Variants in MACROD2 observed in about 807,000 individuals in gnomAD.
The protein encoded by MACROD2 is ADP-ribose glycohydrolase MACROD2.
Under a neutral mutation model 70.4 loss-of-function variants are expected in MACROD2, and 36 were observed. The observed-to-expected ratio is 0.51, with a 90% confidence interval of 0.39 to 0.68. The LOEUF is 0.68. Among genes scored for constraint, MACROD2 ranks in the 30% least tolerant of loss-of-function variants. The pLI is 0.00. For missense variants in MACROD2, 496 were observed against 538.4 expected (o/e 0.92, Z 0.78); for synonymous variants, 172 against 178.8 (o/e 0.96, Z 0.30).
intron 8 of MACROD2, among the ~76,000 whole-genome samples, chr20:15,601,381 C>T (rs532846456): frequency 2.6e-4 from 39 of 152,080 alleles, no homozygotes; most frequent in Admixed American, 2.0e-4. Flanking sequence ...GCCCATTCAC[C>T]CATCCCAAAT....
At chr20:14,222,371 T>C (rs6042594) in intron 3 of MACROD2, among the ~76,000 whole-genome samples, 3,300 of 152,240 alleles carry the variant, frequency 0.022, 133 homozygotes, top group African/African-American at 0.075. Context: ...TGTCTTAAGC[T>C]AAACAACTCA....
At chr20:15,981,408 TTG>T (rs750251911) in intron 13 of MACROD2, among the ~76,000 whole-genome samples, 34 of 152,318 alleles carry the variant, frequency 2.2e-4, no homozygotes, top group Non-Finnish European at 3.2e-4. Context: ...GTTGTTGTTG[TTG>T]TTTAGCTATG....
At chr20:15,831,352 C>T (rs573573427) in intron 8 of MACROD2, among the ~76,000 whole-genome samples, 1 of 152,132 alleles carries the variant, frequency 6.6e-6, no homozygotes, top group African/African-American at 2.4e-5. Flanking sequence ...TTTTTCCTAC[C>T]TTAGTCAGAG....
chr20:15,202,555 T>C (rs1568633345), intron 5 of MACROD2, among the ~76,000 whole-genome samples: 1 of 152,210 alleles, frequency 6.6e-6, no homozygotes, highest in Admixed American at 6.5e-5. Flanking sequence ...TTTAAGTTCA[T>C]CTATTTTTTA....
rs781642769 is a variant in MACROD2, at chr20:15,986,755, A to G, written c.1014A>G (p.Glu338=). 3 of 1,613,510 alleles carry G rather than the reference A, an allele frequency of 1.9e-6. No individual in the cohort carries two copies. Among genetic ancestry groups the G allele is most frequent in the Non-Finnish European group, 2.5e-6 (3 of 1,179,502 alleles). Residue 338 remains glutamate (E), a synonymous_variant, in exon 14 of 18, where the codon GAA becomes GAG. Coordinates refer to ENST00000684519, the MANE Select transcript of MACROD2 (RefSeq NM_001351661.2). ...DGQENDSTKN[E]IKIETESQSS... ...AAGAGAATGATTCAACGAAGAATGA[A>G]ATAAAAATTGAAACAGAATCGCAGA...
intron 4 of MACROD2, among the ~76,000 whole-genome samples, chr20:14,650,165 C>T (rs867715094): frequency 1.3e-4 from 20 of 152,240 alleles, no homozygotes; most frequent in Admixed American, 3.3e-4. Flanking sequence ...AACTGTCTCC[C>T]CATGCTGATT....
rs189723388 is a variant in MACROD2 at position 15,578,394 on chromosome 20, G to A, written c.645+78547G>A. Among the ~76,000 whole-genome samples, 5 of 152,290 alleles carry A rather than the reference G, an allele frequency of 3.3e-5. No homozygotes were observed. The East Asian group carries it at 9.6e-4, about 29-fold the overall frequency. On this transcript the variant is annotated intron_variant, in intron 8 of 17. Coordinates refer to ENST00000684519, the MANE Select transcript of MACROD2 (RefSeq NM_001351661.2). ...CTTTAAGCTTGAAATGTCTTCACCT[G>A]CTTAAGGAAGATAGTAATAGTGCCT...
chr20:14,107,803 A>T (rs2054390830), intron 3 of MACROD2, among the ~76,000 whole-genome samples: 1 of 152,166 alleles, frequency 6.6e-6, no homozygotes. Flanking sequence ...TCCTTCAAGC[A>T]TGAAGGAGAA....
At chr20:13,996,054 T>G (rs945817233) in intron 1 of MACROD2, among the ~76,000 whole-genome samples, 1 of 152,162 alleles carries the variant, frequency 6.6e-6, no homozygotes, top group Non-Finnish European at 1.5e-5. Context: ...TCTGTTGCCC[T>G]CGGCACCCCG....
intron 8 of MACROD2, among the ~76,000 whole-genome samples, chr20:15,720,500 T>C (rs16996423): frequency 0.051 from 7,781 of 152,296 alleles, 290 homozygotes; most frequent in East Asian, 0.15. Context: ...AGGGTTTCAA[T>C]TGATAGAACC....
chr20:14,029,202 A>G (rs529980266), intron 2 of MACROD2, among the ~76,000 whole-genome samples: 24 of 152,370 alleles, frequency 1.6e-4, no homozygotes, highest in Non-Finnish European at 3.2e-4. Context: ...TTATACAGGC[A>G]GAGAGAACTG....
intron 8 of MACROD2, among the ~76,000 whole-genome samples, chr20:15,560,927 A>G (rs566046656): frequency 6.6e-6 from 1 of 152,120 alleles, no homozygotes; most frequent in Non-Finnish European, 1.5e-5. Flanking sequence ...AAACTAAATG[A>G]TCAAAGTCAA....
intron 3 of MACROD2, among the ~76,000 whole-genome samples, chr20:14,156,862 A>G (rs893243038): frequency 4.6e-5 from 7 of 152,164 alleles, no homozygotes; most frequent in African/African-American, 1.2e-4. Context: ...AGTCAATGTA[A>G]TTTCACTGTA....
chr20:14,914,649 G>C (rs2074068920), intron 5 of MACROD2, among the ~76,000 whole-genome samples: 1 of 152,108 alleles, frequency 6.6e-6, no homozygotes, highest in South Asian at 2.1e-4. Flanking sequence ...ATGTTTGACA[G>C]CTATAGGAAT....
chr20:15,062,530 TA>T lies in MACROD2; in HGVS notation c.419-167398del, dbSNP rs879364014. On this transcript the variant is annotated intron_variant, in intron 5 of 17. Transcript: ENST00000684519. ...AATGAAGTACTTATCATGATACCTG[TA>T]AAAAAAAAAAATCCTTGGAGTAGAA... 9.3e-3 allele frequency among the ~76,000 whole-genome samples: 1,354 copies of T among 146,284 alleles called. 21 individuals are homozygous for T. Among genetic ancestry groups the T allele is most frequent in the African/African-American group, 0.03 (1,190 of 40,138 alleles).
At chr20:15,700,490 T>C (rs8116816) in intron 8 of MACROD2, among the ~76,000 whole-genome samples, 3,679 of 152,314 alleles carry the variant, frequency 0.024, 161 homozygotes, top group African/African-American at 0.085. Context: ...TGCCCGTTTC[T>C]TTTCTTTCTT....
At chr20:14,003,999 T>A (rs1415034468) in intron 2 of MACROD2, among the ~76,000 whole-genome samples, 6 of 152,198 alleles carry the variant, frequency 3.9e-5, no homozygotes, top group Non-Finnish European at 5.9e-5. Flanking sequence ...TTCTTTTTTT[T>A]AAATGGCTAC....
At chr20:14,557,506 A>C (rs1386058999) in intron 4 of MACROD2, among the ~76,000 whole-genome samples, 1 of 151,984 alleles carries the variant, frequency 6.6e-6, no homozygotes, top group East Asian at 1.9e-4. Context: ...AAATACATAA[A>C]GTACTCATAT....
chr20:15,860,278 T>C (rs1161909412), intron 8 of MACROD2, among the ~76,000 whole-genome samples: 1 of 152,172 alleles, frequency 6.6e-6, no homozygotes, highest in Non-Finnish European at 1.5e-5. Flanking sequence ...AATTTCATAA[T>C]TTATATTAAA....
Sources: allele counts gnomAD v4.1 joint callset (sites outside exome capture counted in the v4.1 genomes callset), GRCh38; gene constraint gnomAD v4.1.1; transcripts MANE v1.5; gene names NCBI Gene and HGNC (gene_info 2026-07-23, HGNC 2026-07-21).